Variants in PEX5L observed in about 807,000 individuals in gnomAD.
The protein encoded by PEX5L is PEX5-related protein.
Under a neutral mutation model 84.0 loss-of-function variants are expected in PEX5L, and 30 were observed. The observed-to-expected ratio is 0.36, with a 90% confidence interval of 0.27 to 0.48. The LOEUF (loss-of-function observed/expected upper bound fraction) is 0.48, where lower values mean the gene tolerates loss of function less well. PEX5L is among the 20% of genes least tolerant of loss of function. The probability of loss-of-function intolerance (pLI) is 0.99; values close to 1 mark genes in which losing one functional copy is unlikely to be tolerated. For synonymous variants in PEX5L, 270 were observed against 283.1 expected (o/e 0.95, Z 0.46); for missense variants, 533 against 754.6 (o/e 0.71, Z 3.44).
At position 180,017,065 on chromosome 3, in the gene PEX5L, G is replaced by A. The variant is rs551995704; in HGVS notation, c.21+19514C>T. On this transcript the variant is annotated intron_variant, in intron 1 of 14. Coordinates refer to ENST00000467460, the MANE Select transcript of PEX5L (RefSeq NM_016559.3). ...TTATACTAGCTTAACATCTATACAA[G>A]ATTTTCTCTAGTGGGTAAATTGCTG... Among the ~76,000 whole-genome samples the A allele has an allele frequency of 2.2e-4, 33 of 152,192 alleles. 1 individual carries two copies. In the South Asian group the frequency reaches 6.8e-3, roughly 32 times the overall value.
chr3:179,955,048 T>C (rs1524512), intron 2 of PEX5L, among the ~76,000 whole-genome samples: 108,845 of 152,026 alleles, frequency 0.72, 39,569 homozygotes, highest in East Asian at 0.89. Context: ...CACTCCCCCT[T>C]TCCCTAACTC....
At chr3:179,811,987 A>G in intron 10 of PEX5L, 116 bp from the exon 11 acceptor site, 1 of 783,952 alleles carries the variant, frequency 1.3e-6, no homozygotes, top group Non-Finnish European at 2.3e-6. Flanking sequence ...CTCATATGTG[A>G]GCGCTATATA....
chr3:180,019,546 C>G (rs2110501009), intron 1 of PEX5L, among the ~76,000 whole-genome samples: 1 of 152,266 alleles, frequency 6.6e-6, no homozygotes. Flanking sequence ...CCTTGAGGTT[C>G]TAGTTTCCCA....
At chr3:180,024,038 C>T (rs1790674628) in intron 1 of PEX5L, among the ~76,000 whole-genome samples, 1 of 151,924 alleles carries the variant, frequency 6.6e-6, no homozygotes, top group African/African-American at 2.4e-5. Context: ...GGATTGTGTT[C>T]CCCAGGAAAA....
chr3:179,936,520 T>G (rs1407031258), intron 2 of PEX5L, among the ~76,000 whole-genome samples: 3 of 152,206 alleles, frequency 2.0e-5, no homozygotes, highest in African/African-American at 7.2e-5. Context: ...AAACTTAAGC[T>G]CTGGGTCTTA....
intron 2 of PEX5L, among the ~76,000 whole-genome samples, chr3:179,954,215 G>A (rs1437479506): frequency 3.6e-5 from 5 of 140,080 alleles, no homozygotes; most frequent in Admixed American, 7.1e-5. Context: ...GGGGGGGGGG[G>A]AAAAAGTCAG....
intron 2 of PEX5L, among the ~76,000 whole-genome samples, chr3:179,968,101 A>G (rs1176556155): frequency 6.6e-6 from 1 of 152,178 alleles, no homozygotes; most frequent in Non-Finnish European, 1.5e-5. Context: ...CCATTTTTAC[A>G]ATACATGAAC....
At chr3:179,998,922 C>T (rs1282123949) in intron 1 of PEX5L, among the ~76,000 whole-genome samples, 1 of 152,178 alleles carries the variant, frequency 6.6e-6, no homozygotes, top group African/African-American at 2.4e-5. Flanking sequence ...GGTTCACAGA[C>T]GGTTCTGCAG....
At chr3:179,848,090 GCAGA>G (rs2108414177) in intron 8 of PEX5L, among the ~76,000 whole-genome samples, 1 of 152,098 alleles carries the variant, frequency 6.6e-6, no homozygotes, top group East Asian at 1.9e-4. Context: ...TGTGTAACCT[GCAGA>G]TCTCATTATT....
At chr3:179,911,775 T>C (rs1765268149) in intron 2 of PEX5L, among the ~76,000 whole-genome samples, 1 of 152,192 alleles carries the variant, frequency 6.6e-6, no homozygotes, top group African/African-American at 2.4e-5. Flanking sequence ...AGATTGCTAA[T>C]GAATTCACAG....
At chr3:179,996,605 C>T (rs1237868404) in intron 1 of PEX5L, among the ~76,000 whole-genome samples, 2 of 152,122 alleles carry the variant, frequency 1.3e-5, no homozygotes, top group South Asian at 2.1e-4. Flanking sequence ...GAAGATACAC[C>T]CTTGACCAAT....
At chr3:179,861,028 C>A (rs1745934969) in intron 7 of PEX5L, among the ~76,000 whole-genome samples, 1 of 152,154 alleles carries the variant, frequency 6.6e-6, no homozygotes, top group Admixed American at 6.5e-5. Flanking sequence ...GGATTGCAAG[C>A]AATAATGAAG....
At chr3:179,888,050 C>T (rs2108857200) in intron 3 of PEX5L, 1 of 928,770 alleles carries the variant, frequency 1.1e-6, no homozygotes, top group East Asian at 4.3e-5. Flanking sequence ...TATGATTATT[C>T]TCTAATTTCA....
intron 1 of PEX5L, among the ~76,000 whole-genome samples, chr3:180,002,326 C>T (rs1788499527): frequency 2.0e-5 from 3 of 152,134 alleles, no homozygotes; most frequent in Admixed American, 1.3e-4. Context: ...AGGTTACAAG[C>T]TTGCTGACTG....
intron 5 of PEX5L, among the ~76,000 whole-genome samples, chr3:179,878,449 C>T (rs542666290): frequency 7.2e-4 from 109 of 152,318 alleles, no homozygotes; most frequent in Non-Finnish European, 1.2e-3. Flanking sequence ...TCTCCTCCCC[C>T]AGTCTTCAGT....
At chr3:179,954,571 T>C (rs1350416226) in intron 2 of PEX5L, among the ~76,000 whole-genome samples, 1 of 152,090 alleles carries the variant, frequency 6.6e-6, no homozygotes, top group African/African-American at 2.4e-5. Flanking sequence ...AAACTCCTAG[T>C]GGGTACTAGG....
intron 2 of PEX5L, among the ~76,000 whole-genome samples, chr3:179,906,755 T>C (rs572780886): frequency 6.0e-4 from 92 of 152,190 alleles, no homozygotes; most frequent in Admixed American, 1.2e-3. Flanking sequence ...ATGACTAAAA[T>C]ACAAAGATAT....
At chr3:179,813,965 C>T (rs1410897073) in intron 10 of PEX5L, among the ~76,000 whole-genome samples, 10 of 149,920 alleles carry the variant, frequency 6.7e-5, no homozygotes, top group Admixed American at 2.7e-4. Context: ...CGTGAGCCAC[C>T]GCGCCCGGCC....
At chr3:179,876,108 C>A (rs1752296931) in intron 5 of PEX5L, among the ~76,000 whole-genome samples, 1 of 152,146 alleles carries the variant, frequency 6.6e-6, no homozygotes, top group Admixed American at 6.6e-5. Context: ...TTAGTTCTTA[C>A]AGATAAAAAA....
Sources: gnomAD v4.1 joint callset for allele counts (sites outside exome capture counted in the v4.1 genomes callset) on GRCh38, gnomAD v4.1.1 for gene constraint, MANE v1.5 for transcripts, NCBI Gene and HGNC (gene_info 2026-07-23, HGNC 2026-07-21) for gene names.